ZEB2: variants seen among roughly 807,000 people sequenced by gnomAD.
ZEB2 encodes zinc finger E-box binding homeobox 2.
A neutral mutation model predicts 99.9 loss-of-function variants in ZEB2; 6 were observed. The observed-to-expected ratio is 0.06, with a 90% CI of 0.03 to 0.12. ZEB2 has a LOEUF of 0.12. ZEB2 is among the 10% of genes least tolerant of loss of function. The pLI, the probability that ZEB2 is intolerant of heterozygous loss-of-function variation, is 1.00. For synonymous variants in ZEB2, 517 were observed against 542.5 expected (o/e 0.95, Z 0.65); for missense variants, 969 against 1,502.8 (o/e 0.64, Z 5.87).
chr2:144,473,535 T>C lies in ZEB2; in HGVS notation c.74-43509A>G, dbSNP rs565237565. On this transcript the variant is annotated intron_variant, in intron 2 of 9. Coordinates refer to ENST00000627532, the MANE Select transcript of ZEB2 (RefSeq NM_014795.4). ...ACCCTGGCCTCCCAAAGTGCTGGGA[T>C]TGCAGGCATGTACAATAGAGGTCAG... Among the ~76,000 whole-genome samples, 6 of 152,236 alleles carry C rather than the reference T, an allele frequency of 3.9e-5. No individual in the cohort carries two copies. In the East Asian group the frequency reaches 9.7e-4, roughly 25 times the overall value.
intron 2 of ZEB2, among the ~76,000 whole-genome samples, chr2:144,453,043 A>G (rs1312029101): frequency 6.6e-6 from 1 of 152,214 alleles, no homozygotes; most frequent in African/African-American, 2.4e-5. Context: ...TCTATATTAT[A>G]GGTCCTAACT....
At chr2:144,431,590 G>A (rs1358684474) in intron 2 of ZEB2, among the ~76,000 whole-genome samples, 6 of 151,834 alleles carry the variant, frequency 4.0e-5, no homozygotes, top group Admixed American at 6.6e-5. Flanking sequence ...ACCAATTGAC[G>A]GGGGAAACAA....
chr2:144,486,451 T>G (rs1704599261), intron 2 of ZEB2, among the ~76,000 whole-genome samples: 1 of 152,062 alleles, frequency 6.6e-6, no homozygotes, highest in Non-Finnish European at 1.5e-5. Context: ...CAAGTGGAAC[T>G]CGGCAATTAA....
Position 144,404,897 on chromosome 2 carries a change from T to C in ZEB2, c.531A>G (p.Pro177=). ...GGCGAGACAGCTCCTCAGGGGCTTC[T>C]GGGTAAATAATGGCTGTGTCACTGC... ...LQRSDTAIIY[P]EAPEELSRLG... Residue 177 remains proline, a synonymous_variant, in exon 5 of 10, where the codon CCA becomes CCG. Coordinates refer to ENST00000627532, the MANE Select transcript of ZEB2 (RefSeq NM_014795.4). 1 of 1,614,248 alleles carries C rather than the reference T, an allele frequency of 6.2e-7. No homozygotes were observed. The highest frequency in any genetic ancestry group is 1.1e-5 in the South Asian group (1 of 91,080).
chr2:144,435,314 A>G (rs1029208933), intron 2 of ZEB2, among the ~76,000 whole-genome samples: 3 of 152,132 alleles, frequency 2.0e-5, no homozygotes, highest in African/African-American at 7.2e-5. Flanking sequence ...CAAATTTAAA[A>G]TAAGTCCTTT....
At chr2:144,454,627 T>G (rs1046911609) in intron 2 of ZEB2, among the ~76,000 whole-genome samples, 2 of 152,204 alleles carry the variant, frequency 1.3e-5, no homozygotes, top group African/African-American at 4.8e-5. Context: ...TCAGTGAGTA[T>G]CTATTGTGTT....
intron 2 of ZEB2, among the ~76,000 whole-genome samples, chr2:144,500,072 A>G (rs1704846926): frequency 6.6e-6 from 1 of 152,214 alleles, no homozygotes; most frequent in Non-Finnish European, 1.5e-5. Flanking sequence ...AAGGAAGGCA[A>G]TTGTGCATTT....
In ZEB2 at chr2:144,384,773, A is replaced by G. The variant is rs1703058676; in HGVS notation, c.*4678T>C. ...TCACAAATGTCTCAAGTTCTAAAAA[A>G]AAATCACTGTGCACAGTTTAACAAT... On this transcript the variant is annotated 3_prime_UTR_variant, in exon 10 of 10. Coordinates refer to ENST00000627532, the MANE Select transcript of ZEB2 (RefSeq NM_014795.4). The G allele has an allele frequency of 6.6e-6, 1 of 152,202 alleles. No homozygotes were observed. Among genetic ancestry groups the G allele is most frequent in the Non-Finnish European group, 1.5e-5 (1 of 68,022 alleles). The allele number at this position is 152,202 out of a possible 1,614,324, so 9.4% of individuals were successfully genotyped here. A position where few individuals can be genotyped will look rare whatever the true frequency, so the allele number is the denominator to read the frequency against.
chr2:144,470,254 T>C (rs1198273547), intron 2 of ZEB2, among the ~76,000 whole-genome samples: 1 of 152,186 alleles, frequency 6.6e-6, no homozygotes, highest in Non-Finnish European at 1.5e-5. Context: ...GCATGAATCT[T>C]AAACAAATGT....
chr2:144,487,579 T>G (rs541262610), intron 2 of ZEB2, among the ~76,000 whole-genome samples: 1 of 152,258 alleles, frequency 6.6e-6, no homozygotes, highest in South Asian at 2.1e-4. Flanking sequence ...TTCAGTTATC[T>G]ATTTAACTTT....
chr2:144,385,177 GT>G lies in ZEB2; in HGVS notation c.*4273del, dbSNP rs1703065116. On this transcript the variant is annotated 3_prime_UTR_variant, in exon 10 of 10. Coordinates refer to ENST00000627532, the MANE Select transcript of ZEB2 (RefSeq NM_014795.4). Reference sequence around the variant, plus strand: ...TTGGACCAGTGTCCCTTGATGTAAGGTGTCTAGAAAGAACTCTTCTGCTCTT... The same window carrying G: ...TTGGACCAGTGTCCCTTGATGTAAGGGTCTAGAAAGAACTCTTCTGCTCTT... 6.6e-6 allele frequency: 1 copy of G among 151,790 alleles called. No individual in the cohort carries two copies. The highest frequency in any genetic ancestry group is 1.5e-5 in the Non-Finnish European group (1 of 68,010). The allele number at this position is 151,790 out of a possible 1,614,324, so 9.4% of individuals were successfully genotyped here.
chr2:144,509,718 GAA>G (rs1705003354), intron 2 of ZEB2, among the ~76,000 whole-genome samples: 2 of 152,088 alleles, frequency 1.3e-5, no homozygotes, highest in Non-Finnish European at 2.9e-5. Context: ...GAAAGGGGAA[GAA>G]AAAGACAAGA....
At chr2:144,430,906 A>G (rs1199156406) in intron 2 of ZEB2, 8 of 152,174 alleles carry the variant, frequency 5.3e-5, no homozygotes, top group African/African-American at 1.9e-4. Context: ...TAGTACATAA[A>G]TTGTCCACTT....
At chr2:144,512,524 T>C (rs1007910977) in intron 2 of ZEB2, 55 of 1,287,088 alleles carry the variant, frequency 4.3e-5, no homozygotes, top group Non-Finnish European at 5.2e-5. Flanking sequence ...ACCTATGACA[T>C]AGCAGTTGAG....
intron 2 of ZEB2, among the ~76,000 whole-genome samples, chr2:144,475,150 T>C (rs770190388): frequency 1.3e-5 from 2 of 152,162 alleles, no homozygotes; most frequent in Non-Finnish European, 2.9e-5. Context: ...GTTTTCTCAC[T>C]CTCTACCTCA....
intron 2 of ZEB2, among the ~76,000 whole-genome samples, chr2:144,493,541 G>C (rs1704712410): frequency 6.6e-6 from 1 of 152,146 alleles, no homozygotes; most frequent in East Asian, 1.9e-4. Flanking sequence ...CGAGTGTCTG[G>C]CCTCCTTGGG....
intron 4 of ZEB2, among the ~76,000 whole-genome samples, chr2:144,406,201 A>AT (rs1703384430): frequency 1.3e-5 from 2 of 151,754 alleles, no homozygotes; most frequent in African/African-American, 2.4e-5. Context: ...ATGAACTTGG[A>AT]TTTTTTATGA....
At chr2:144,422,048 G>A (rs1357864292) in intron 4 of ZEB2, among the ~76,000 whole-genome samples, 2 of 152,144 alleles carry the variant, frequency 1.3e-5, no homozygotes, top group African/African-American at 4.8e-5. Context: ...CCATCATTCA[G>A]AGAATCAATT....
intron 2 of ZEB2, among the ~76,000 whole-genome samples, chr2:144,436,279 C>G (rs535575063): frequency 6.6e-6 from 1 of 152,266 alleles, no homozygotes; most frequent in South Asian, 2.1e-4. Flanking sequence ...TGTTAACATA[C>G]TATAGTCAGC....
Sources: gnomAD v4.1 joint callset for allele counts (sites outside exome capture counted in the v4.1 genomes callset) on GRCh38, gnomAD v4.1.1 for gene constraint, MANE v1.5 for transcripts, NCBI Gene and HGNC (gene_info 2026-07-23, HGNC 2026-07-21) for gene names.